MYO5A: variants seen among roughly 807,000 people sequenced by gnomAD.
MYO5A encodes the protein myosin VA, also known as unconventional myosin-Va.
In MYO5A, 98 loss-of-function variants were observed where a neutral mutation model predicts 249.7. That is an observed-to-expected ratio of 0.39 (90% CI 0.33 to 0.46). The LOEUF (loss-of-function observed/expected upper bound fraction) is 0.46, where lower values mean the gene tolerates loss of function less well. Among genes scored for constraint, MYO5A ranks in the 20% least tolerant of loss-of-function variants. The probability of loss-of-function intolerance (pLI) is 0.98; values close to 1 mark genes in which losing one functional copy is unlikely to be tolerated. For missense variants in MYO5A, 1,696 were observed against 2,308.8 expected (o/e 0.73, Z 5.44); for synonymous variants, 778 against 810.6 (o/e 0.96, Z 0.68).
intron 6 of MYO5A, 40 bp downstream of exon 6, chr15:52,410,293 C>T: frequency 6.3e-7 from 1 of 1,590,972 alleles, no homozygotes; most frequent in Non-Finnish European, 8.6e-7. Flanking sequence ...AATTATACAG[C>T]AATCTAACAC....
chr15:52,333,638 G>T (rs2038987555), intron 34 of MYO5A, among the ~76,000 whole-genome samples: 1 of 152,122 alleles, frequency 6.6e-6, no homozygotes. Flanking sequence ...ATCAAATTTT[G>T]AAACACTCTC....
chr15:52,492,713 G>A (rs898905387), intron 1 of MYO5A, among the ~76,000 whole-genome samples: 1 of 152,188 alleles, frequency 6.6e-6, no homozygotes, highest in Non-Finnish European at 1.5e-5. Flanking sequence ...CAGATACACA[G>A]TGGAATATCT....
At chr15:52,407,488 G>A in intron 7 of MYO5A, 89 bp from the exon 8 acceptor site, 3 of 838,652 alleles carry the variant, frequency 3.6e-6, no homozygotes, top group Non-Finnish European at 6.1e-6. Flanking sequence ...GGTGGTGATA[G>A]CACAGTTGAG....
chr15:52,446,589 C>T (rs191097571), intron 1 of MYO5A, among the ~76,000 whole-genome samples: 4 of 152,280 alleles, frequency 2.6e-5, no homozygotes. Context: ...AGAAGGGGGC[C>T]ACCATCCTCC....
chr15:52,483,527 A>AACG (rs2076757290), intron 1 of MYO5A, among the ~76,000 whole-genome samples: 1 of 147,298 alleles, frequency 6.8e-6, no homozygotes, highest in African/African-American at 2.5e-5. Flanking sequence ...TATATTTAAA[A>AACG]ACAACAACAA....
chr15:52,485,273 A>AC, intron 1 of MYO5A, among the ~76,000 whole-genome samples: 1 of 151,506 alleles, frequency 6.6e-6, no homozygotes, highest in South Asian at 2.1e-4. Context: ...AAAAAAAAAA[A>AC]AAAAAACAAG....
At position 52,410,388 on chromosome 15, in the gene MYO5A, A is replaced by T; in HGVS notation, c.701T>A (p.Ile234Asn). ...IEIGFDKRYR[I>N]IGANMRTYLL... is the part of the protein sequence containing the mutation. The stretch of plus-strand genomic sequence containing the variant: ...ATAAGTTCTCATATTGGCACCAATG[A>T]TTCGATATCTCTTATCAAAACCAAT... The change falls in exon 6 of 42, where the codon ATC (isoleucine) becomes AAC (asparagine). Residue 234 changes from isoleucine to asparagine, a missense_variant. Physicochemically the swap from Ile to Asn is moderately radical, Grantham distance 149. Transcript: ENST00000399233. 2 of 1,613,754 alleles carry T rather than the reference A, an allele frequency of 1.2e-6. No individual in the cohort carries two copies. The highest frequency in any genetic ancestry group is 1.7e-6 in the Non-Finnish European group (2 of 1,179,692).
At chr15:52,477,078 G>A (rs2076611037) in intron 1 of MYO5A, among the ~76,000 whole-genome samples, 1 of 152,148 alleles carries the variant, frequency 6.6e-6, no homozygotes, top group South Asian at 2.1e-4. Context: ...ATTTCTTGGA[G>A]GCTTTGTCAT....
intron 18 of MYO5A, among the ~76,000 whole-genome samples, chr15:52,376,897 A>C (rs1237880207): frequency 6.6e-6 from 1 of 152,208 alleles, no homozygotes; most frequent in Non-Finnish European, 1.5e-5. Context: ...ACTCTCTCTG[A>C]CTGACCCAGG....
chr15:52,379,527 C>G (rs1327794368), intron 18 of MYO5A, 98 bp downstream of exon 18: 4 of 1,000,638 alleles, frequency 4.0e-6, no homozygotes, highest in Non-Finnish European at 4.8e-6. Context: ...CCGAAATGAT[C>G]TGGACTAGTA....
At chr15:52,524,301 C>G (rs1370590941) in intron 1 of MYO5A, among the ~76,000 whole-genome samples, 1 of 152,150 alleles carries the variant, frequency 6.6e-6, no homozygotes, top group African/African-American at 2.4e-5. Flanking sequence ...TGTCTGTAAT[C>G]TCAACACTTT....
At chr15:52,426,155 T>C (rs942149674) in intron 3 of MYO5A, among the ~76,000 whole-genome samples, 181 bp from the exon 4 acceptor site, 1 of 152,234 alleles carries the variant, frequency 6.6e-6, no homozygotes, top group Non-Finnish European at 1.5e-5. Flanking sequence ...GAACCCATTA[T>C]ACATAGTTCT....
chr15:52,458,432 T>C (rs1227006929), intron 1 of MYO5A, among the ~76,000 whole-genome samples: 1 of 151,848 alleles, frequency 6.6e-6, no homozygotes, highest in Non-Finnish European at 1.5e-5. Context: ...ATACAAAAAT[T>C]AGCCTGGCAT....
intron 1 of MYO5A, among the ~76,000 whole-genome samples, chr15:52,471,320 G>A (rs2076462633): frequency 1.3e-5 from 2 of 151,740 alleles, no homozygotes. Flanking sequence ...AAATCAGTTC[G>A]GGGCCAGGTG....
At chr15:52,466,283 T>C (rs1389315479) in intron 1 of MYO5A, among the ~76,000 whole-genome samples, 1 of 152,154 alleles carries the variant, frequency 6.6e-6, no homozygotes, top group African/African-American at 2.4e-5. Context: ...AACTGAAACC[T>C]GTGGGAGGGG....
At chr15:52,504,052 T>C (rs2077210865) in intron 1 of MYO5A, among the ~76,000 whole-genome samples, 1 of 44,626 alleles carries the variant, frequency 2.2e-5, no homozygotes, top group East Asian at 6.9e-4. Flanking sequence ...CTGTTTCTCC[T>C]TCTTTTTTTT....
intron 1 of MYO5A, chr15:52,505,199 G>A: frequency 2.6e-6 from 2 of 768,986 alleles, no homozygotes; most frequent in East Asian, 2.4e-5. Flanking sequence ...ATGGGTTTTG[G>A]AGACCTGAAA....
At chr15:52,423,058 G>A (rs181325967) in intron 4 of MYO5A, among the ~76,000 whole-genome samples, 1 of 152,184 alleles carries the variant, frequency 6.6e-6, no homozygotes, top group East Asian at 1.9e-4. Flanking sequence ...GACTTCGTGG[G>A]GTAGGAATTC....
chr15:52,402,244 G>C (rs146516721), intron 9 of MYO5A, among the ~76,000 whole-genome samples: 6 of 152,320 alleles, frequency 3.9e-5, no homozygotes, highest in African/African-American at 1.4e-4. Context: ...ATGTGTGAGA[G>C]TCAGTTTGTT....
Sources: allele counts gnomAD v4.1 joint callset (sites outside exome capture counted in the v4.1 genomes callset), GRCh38; gene constraint gnomAD v4.1.1; transcripts MANE v1.5; gene names NCBI Gene and HGNC (gene_info 2026-07-23, HGNC 2026-07-21).